Variants in EPHA5 observed in about 807,000 individuals in gnomAD.
EPHA5 encodes EPH receptor A5, also known as ephrin type-A receptor 5.
EPHA5 carries 60 observed loss-of-function variants against 105.0 expected under a neutral mutation model. The ratio of observed to expected loss-of-function variants is 0.57; its 90% CI spans 0.46 to 0.71. EPHA5 has a LOEUF of 0.71. Among genes scored for constraint, EPHA5 ranks in the 30% least tolerant of loss-of-function variants. EPHA5 has a pLI of 0.00. For missense variants in EPHA5, 1,218 were observed against 1,274.7 expected (o/e 0.96, Z 0.68); for synonymous variants, 513 against 449.1 (o/e 1.14, Z -1.80).
At chr4:65,502,551 C>T (rs1426748811) in intron 3 of EPHA5, among the ~76,000 whole-genome samples, 2 of 151,838 alleles carry the variant, frequency 1.3e-5, no homozygotes, top group East Asian at 1.9e-4. Context: ...CAATGAGATA[C>T]CATCTCACAA....
chr4:65,658,393 T>C (rs538853335), intron 1 of EPHA5, among the ~76,000 whole-genome samples: 3 of 152,152 alleles, frequency 2.0e-5, no homozygotes, highest in Non-Finnish European at 4.4e-5. Context: ...TGAAAGGTTT[T>C]AACCTGGGAG....
intron 14 of EPHA5, among the ~76,000 whole-genome samples, chr4:65,336,931 T>C (rs1721240732): frequency 1.3e-5 from 2 of 152,116 alleles, no homozygotes; most frequent in African/African-American, 4.8e-5. Flanking sequence ...CTAAAACAAA[T>C]ATTAATGAAC....
At chr4:65,465,540 AG>A (rs1560567676) in intron 5 of EPHA5, among the ~76,000 whole-genome samples, 1,807 of 70,930 alleles carry the variant, frequency 0.025, 27 homozygotes, top group Admixed American at 0.036. Flanking sequence ...AAGAAAGGAA[AG>A]GAAGGAAAGG....
intron 7 of EPHA5, among the ~76,000 whole-genome samples, chr4:65,407,021 T>G (rs1371123378): frequency 6.6e-6 from 1 of 152,118 alleles, no homozygotes; most frequent in East Asian, 1.9e-4. Context: ...ACTCACCTAT[T>G]TGATTCAAAT....
rs771782357 is a variant in EPHA5 at position 65,601,741 on chromosome 4, T to G, written c.810A>C (p.Glu270Asp). The change falls in exon 3 of 17, where the codon GAA becomes GAC. Residue 270 changes from glutamate (E) to aspartate (D), a missense_variant. This residue lies in a region of EPHA5 where 971 missense variants were observed against 1,013.5 expected (regional missense o/e 0.96). Coordinates refer to ENST00000613740, the MANE Select transcript of EPHA5 (RefSeq NM_001281766.3). Reference protein sequence around the residue: ...GSCVNHSVTDEPPKMHCSAEG... With the variant: ...GSCVNHSVTDDPPKMHCSAEG... ...CGGCGCTGCAGTGCATTTTGGGAGG[T>G]TCATCGGTCACAGAATGGTTGACAC... The G allele has an allele frequency of 6.2e-7, 1 of 1,613,954 alleles. No individual in the cohort carries two copies. Among genetic ancestry groups the G allele is most frequent in the Non-Finnish European group, 8.5e-7 (1 of 1,179,984 alleles).
intron 3 of EPHA5, among the ~76,000 whole-genome samples, chr4:65,534,333 T>C (rs191645172): frequency 6.6e-6 from 1 of 152,266 alleles, no homozygotes; most frequent in African/African-American, 2.4e-5. Context: ...ATGCCTGAGA[T>C]TCGTGAAATA....
chr4:65,481,336 TG>T (rs1730344256), intron 5 of EPHA5, among the ~76,000 whole-genome samples: 1 of 152,224 alleles, frequency 6.6e-6, no homozygotes, highest in African/African-American at 2.4e-5. Flanking sequence ...ATTTATTTTT[TG>T]CCTTTTGAGA....
rs1719833697 is a variant in EPHA5, at chr4:65,323,905, T to C, written c.*209A>G. ...ACTTCATGTCCCTTTTAATGCAAGA[T>C]ATGTTTGCTTCATGAAAAATGAAGA... On this transcript the variant is annotated 3_prime_UTR_variant, in exon 17 of 17. Transcript: ENST00000613740. The C allele has an allele frequency of 2.4e-6, 1 of 424,444 alleles. No homozygotes were observed. The highest frequency in any genetic ancestry group is 4.3e-6 in the Non-Finnish European group (1 of 234,684). The allele number at this position is 424,444 out of a possible 1,614,324, so 26.3% of individuals were successfully genotyped here. A position where few individuals can be genotyped will look rare whatever the true frequency, so the allele number is the denominator to read the frequency against.
At chr4:65,488,182 T>C (rs948902980) in intron 5 of EPHA5, among the ~76,000 whole-genome samples, 1 of 152,172 alleles carries the variant, frequency 6.6e-6, no homozygotes. Flanking sequence ...TCAAATAATA[T>C]ACTTGGGAGG....
chr4:65,441,224 T>C (rs2149085920), intron 5 of EPHA5, among the ~76,000 whole-genome samples: 1 of 151,990 alleles, frequency 6.6e-6, no homozygotes, highest in East Asian at 1.9e-4. Context: ...TATAAAGTAA[T>C]TAATTGAAGA....
intron 8 of EPHA5, among the ~76,000 whole-genome samples, chr4:65,403,628 A>C (rs1722069875): frequency 2.6e-5 from 4 of 151,938 alleles, no homozygotes. Flanking sequence ...GTTTTATTCT[A>C]CTTTATTGCA....
intron 3 of EPHA5, among the ~76,000 whole-genome samples, chr4:65,575,437 C>A (rs1488144816): frequency 1.3e-5 from 2 of 152,192 alleles, no homozygotes; most frequent in African/African-American, 4.8e-5. Flanking sequence ...GAATACTTTA[C>A]TGCCTAGTGA....
At chr4:65,628,051 C>A (rs1560792262) in intron 2 of EPHA5, among the ~76,000 whole-genome samples, 2 of 151,958 alleles carry the variant, frequency 1.3e-5, no homozygotes, top group Admixed American at 6.6e-5. Context: ...GTTACTGTTG[C>A]TGTTTTTATG....
chr4:65,390,341 T>A (rs1720584631), intron 8 of EPHA5, among the ~76,000 whole-genome samples: 1 of 151,994 alleles, frequency 6.6e-6, no homozygotes, highest in South Asian at 2.1e-4. Context: ...TTGCCAGAAT[T>A]CTTCAAACTA....
intron 3 of EPHA5, among the ~76,000 whole-genome samples, chr4:65,543,553 A>T (rs1283027175): frequency 6.6e-6 from 1 of 152,048 alleles, no homozygotes; most frequent in African/African-American, 2.4e-5. Context: ...ACTACAAACC[A>T]TTGCTCGAGA....
chr4:65,541,868 G>T (rs1327012119), intron 3 of EPHA5, among the ~76,000 whole-genome samples: 2 of 151,944 alleles, frequency 1.3e-5, no homozygotes, highest in Non-Finnish European at 2.9e-5. Flanking sequence ...AAATGCAAAA[G>T]AACTGAAATC....
intron 5 of EPHA5, among the ~76,000 whole-genome samples, chr4:65,480,775 A>G (rs927349695): frequency 5.9e-5 from 9 of 152,104 alleles, no homozygotes; most frequent in Non-Finnish European, 1.2e-4. Context: ...TCTATTCTCA[A>G]TGAGTCTATG....
rs111932655 is a variant in EPHA5, at chr4:65,423,114, G to A, written c.1403-2549C>T. ...TTGATTTGATGACCTTGACACTTTT[G>A]GAGCACACTGGTTGGGTATTTTGTA... On this transcript the variant is annotated intron_variant, in intron 5 of 16. Coordinates refer to ENST00000613740, the MANE Select transcript of EPHA5 (RefSeq NM_001281766.3). Among the ~76,000 whole-genome samples, 213 of 152,022 alleles carry A rather than the reference G, an allele frequency of 1.4e-3. 1 individual carries two copies. The highest frequency in any genetic ancestry group is 4.8e-3 in the African/African-American group (201 of 41,512).
intron 5 of EPHA5, among the ~76,000 whole-genome samples, chr4:65,426,772 C>T (rs928543057): frequency 6.6e-6 from 1 of 152,122 alleles, no homozygotes; most frequent in Non-Finnish European, 1.5e-5. Context: ...AAGAGTGGCT[C>T]TCACCACCTG....
Sources: allele counts gnomAD v4.1 joint callset (sites outside exome capture counted in the v4.1 genomes callset), GRCh38; gene constraint gnomAD v4.1.1; regional missense constraint gnomAD v4.1.1; transcripts MANE v1.5; gene names NCBI Gene and HGNC (gene_info 2026-07-23, HGNC 2026-07-21).